The following OR14I1 variants were observed in gnomAD, a reference collection of about 807,000 sequenced individuals.
OR14I1 encodes the protein olfactory receptor 14I1.
For synonymous variants in OR14I1, 118 were observed against 71.1 expected (o/e 1.66, Z -3.32); for missense variants, 279 against 181.8 (o/e 1.53, Z -3.07).
At chr1:248,697,508 G>T in the OR14I1 span, among the ~76,000 whole-genome samples, 1 of 151,806 alleles carries the variant, frequency 6.6e-6, no homozygotes, top group African/African-American at 2.4e-5. Context: ...AACATGGCCG[G>T]GCGCGGTAGC....
the OR14I1 span, among the ~76,000 whole-genome samples, chr1:248,699,727 G>A: frequency 1.3e-5 from 2 of 152,002 alleles, no homozygotes; most frequent in Admixed American, 1.3e-4. Flanking sequence ...CAAGGTCCCT[G>A]GTTCTCACTG....
chr1:248,692,912 C>T, the OR14I1 span: 4 of 152,146 alleles, frequency 2.6e-5, no homozygotes, highest in African/African-American at 9.7e-5. Flanking sequence ...CTGTCTTTCT[C>T]CAGAGACCAC....
the OR14I1 span, among the ~76,000 whole-genome samples, chr1:248,689,513 T>C: frequency 6.6e-6 from 1 of 152,132 alleles, no homozygotes; most frequent in African/African-American, 2.4e-5. Flanking sequence ...AGAGTTTGAA[T>C]CCAAGAGGAA....
the OR14I1 span, among the ~76,000 whole-genome samples, chr1:248,687,357 G>C: frequency 3.3e-5 from 5 of 152,168 alleles, no homozygotes; most frequent in South Asian, 2.1e-4. Context: ...AGTTACAGCA[G>C]CCTGTTTCTG....
At chr1:248,692,870 AAG>A in the OR14I1 span, 38 of 152,338 alleles carry the variant, frequency 2.5e-4, no homozygotes, top group Admixed American at 2.0e-3. Context: ...GGCATGTAAT[AAG>A]CTCTCATTAA....
the OR14I1 span, among the ~76,000 whole-genome samples, chr1:248,695,509 A>G: frequency 6.6e-6 from 1 of 152,284 alleles, no homozygotes; most frequent in East Asian, 1.9e-4. Flanking sequence ...CTGGTATTAC[A>G]GGTGTGAGCC....
chr1:248,680,212 AAT>A (rs1661534392), downstream of OR14I1, among the ~76,000 whole-genome samples: 1 of 152,240 alleles, frequency 6.6e-6, no homozygotes, highest in Non-Finnish European at 1.5e-5. Flanking sequence ...CATAGTTAAA[AAT>A]GAGAAAAAAT....
chr1:248,691,437 G>C, the OR14I1 span, among the ~76,000 whole-genome samples: 9 of 152,334 alleles, frequency 5.9e-5, no homozygotes, highest in Non-Finnish European at 1.3e-4. Flanking sequence ...GTTCCCGTCA[G>C]AGAATTAAGT....
At chr1:248,678,462 C>G (rs28504561), downstream of OR14I1, among the ~76,000 whole-genome samples, 139,829 of 152,260 alleles carry the variant, frequency 0.92, 65,374 homozygotes, top group East Asian at 1. Context: ...GTCAATTACA[C>G]GAAAACAACT....
chr1:248,697,495 A>C, the OR14I1 span, among the ~76,000 whole-genome samples: 29 of 151,846 alleles, frequency 1.9e-4, no homozygotes, highest in African/African-American at 6.8e-4. Flanking sequence ...AAAAAAAAAA[A>C]AAAACATGGC....
At chr1:248,693,474 T>G in the OR14I1 span, among the ~76,000 whole-genome samples, 2 of 152,182 alleles carry the variant, frequency 1.3e-5, no homozygotes, top group Admixed American at 1.3e-4. Context: ...TAGTAAGAAT[T>G]CATTATGAGC....
the OR14I1 span, among the ~76,000 whole-genome samples, chr1:248,699,795 A>G: frequency 2.0e-5 from 3 of 152,152 alleles, no homozygotes; most frequent in South Asian, 2.1e-4. Context: ...GTCTCGCTCT[A>G]TCGCCCAGGC....
chr1:248,687,856 C>T, the OR14I1 span, among the ~76,000 whole-genome samples: 1 of 152,312 alleles, frequency 6.6e-6, no homozygotes, highest in Middle Eastern at 3.4e-3. Flanking sequence ...TATGTACATA[C>T]ATCCAGATAT....
At chr1:248,688,602 C>A in the OR14I1 span, among the ~76,000 whole-genome samples, 1 of 152,216 alleles carries the variant, frequency 6.6e-6, no homozygotes, top group East Asian at 1.9e-4. Flanking sequence ...GCTCTATAAT[C>A]ACAGACTGGT....
At chr1:248,681,601 G>A (rs1661564462) in exon 1 of OR14I1, 1 of 781,022 alleles carries the variant, frequency 1.3e-6, no homozygotes. Context: ...GGTGGAGAAG[G>A]CTTTTGCTCG....
exon 1 of OR14I1, chr1:248,682,055 G>T (rs41311583): frequency 0.13 from 101,744 of 780,890 alleles, 7,157 homozygotes; most frequent in African/African-American, 0.16. Context: ...CTGCGAGTCA[G>T]GGAGTTACGG....
the OR14I1 span, among the ~76,000 whole-genome samples, chr1:248,696,737 C>T: frequency 6.6e-6 from 1 of 152,198 alleles, no homozygotes; most frequent in African/African-American, 2.4e-5. Flanking sequence ...CACATCCTGT[C>T]CTGTTTTGTC....
chr1:248,687,267 T>C (rs1661673160), upstream of OR14I1, among the ~76,000 whole-genome samples: 1 of 152,236 alleles, frequency 6.6e-6, no homozygotes, highest in East Asian at 1.9e-4. Context: ...CAGAAAATAA[T>C]AAATTGTTTT....
the OR14I1 span, among the ~76,000 whole-genome samples, chr1:248,700,965 C>A: frequency 6.6e-6 from 1 of 152,142 alleles, no homozygotes; most frequent in Non-Finnish European, 1.5e-5. Flanking sequence ...ACTTGCCAAC[C>A]ATTTAATAAT....
Sources: allele counts gnomAD v4.1 joint callset (sites outside exome capture counted in the v4.1 genomes callset), GRCh38; gene constraint gnomAD v4.1.1; transcripts MANE v1.5; gene names NCBI Gene and HGNC (gene_info 2026-07-23, HGNC 2026-07-21).